Variants in RAD23B observed in about 807,000 individuals in gnomAD.
RAD23B encodes lysine-specific demethylase RAD23B.
A neutral mutation model predicts 49.1 loss-of-function variants in RAD23B; 5 were observed. The ratio of observed to expected loss-of-function variants is 0.10; its 90% CI spans 0.05 to 0.21. RAD23B has a LOEUF of 0.21. Among genes scored for constraint, RAD23B ranks in the 10% least tolerant of loss-of-function variants. The pLI, the probability that RAD23B is intolerant of heterozygous loss-of-function variation, is 1.00. For missense variants in RAD23B, 356 were observed against 486.7 expected (o/e 0.73, Z 2.53); for synonymous variants, 184 against 165.4 (o/e 1.11, Z -0.86).
rs1261264668 is a variant in RAD23B at position 107,331,886 on chromosome 9, T to C, written c.*2230T>C. 4 of 497,974 alleles carry C rather than the reference T, an allele frequency of 8.0e-6. No homozygotes were observed. The highest frequency in any genetic ancestry group is 1.4e-5 in the Non-Finnish European group (4 of 279,216). 30.8% of individuals were successfully genotyped at this position (497,974 alleles called of 1,614,324 possible). On this transcript the variant is annotated 3_prime_UTR_variant, in exon 10 of 10. Coordinates refer to ENST00000358015, the MANE Select transcript of RAD23B (RefSeq NM_002874.5). ...GAGACACCATAAAAGAAATAGGCTT[T>C]TTGTGCCTTTTGCTGTTAATGTTTA...
At chr9:107,291,433 T>C (rs1833382871) in intron 1 of RAD23B, among the ~76,000 whole-genome samples, 1 of 152,226 alleles carries the variant, frequency 6.6e-6, no homozygotes, top group South Asian at 2.1e-4. Context: ...TTTAAAATAA[T>C]AGCCTTTTGG....
chr9:107,329,510 G>C (rs757716733), intron 9 of RAD23B, 33 bp from the exon 10 acceptor site: 1 of 1,335,036 alleles, frequency 7.5e-7, no homozygotes, highest in Non-Finnish European at 1.1e-6. Context: ...TAATTGGTGT[G>C]TTGGATTTAT....
At position 107,306,522 on chromosome 9, in the gene RAD23B, A is replaced by G; in HGVS notation, c.372A>G (p.Ala124=). 1 of 1,614,042 alleles carries G rather than the reference A, an allele frequency of 6.2e-7. No individual in the cohort carries two copies. Residue 124 remains alanine, a synonymous_variant, in exon 4 of 10, where the codon GCA becomes GCG. Transcript: ENST00000358015. ...CCTTGGCCCCCACTTCCACACCTGC[A>G]TCCATCACTCCAGCATCAGCGACAG... ...VPALAPTSTP[A]SITPASATAS...
chr9:107,327,136 T>C (rs922755738), intron 9 of RAD23B, among the ~76,000 whole-genome samples: 1 of 152,240 alleles, frequency 6.6e-6, no homozygotes, highest in Non-Finnish European at 1.5e-5. Flanking sequence ...TATTTTTGTT[T>C]TTTCCCTTCA....
chr9:107,295,295 T>C (rs1826484886), intron 1 of RAD23B, among the ~76,000 whole-genome samples: 1 of 152,026 alleles, frequency 6.6e-6, no homozygotes, highest in Non-Finnish European at 1.5e-5. Flanking sequence ...GTTTTTAAAA[T>C]GATGAAGTAT....
chr9:107,289,542 G>A (rs1833343367), intron 1 of RAD23B, among the ~76,000 whole-genome samples: 1 of 152,124 alleles, frequency 6.6e-6, no homozygotes, highest in South Asian at 2.1e-4. Flanking sequence ...GGGTGGGCAA[G>A]AGTGAAAAGC....
intron 1 of RAD23B, among the ~76,000 whole-genome samples, chr9:107,295,386 A>G (rs1442567312): frequency 6.6e-6 from 1 of 152,206 alleles, no homozygotes; most frequent in Non-Finnish European, 1.5e-5. Context: ...TAATGAATTT[A>G]GTAAGATACT....
intron 1 of RAD23B, among the ~76,000 whole-genome samples, chr9:107,288,424 C>T (rs1833318725): frequency 6.6e-6 from 1 of 152,062 alleles, no homozygotes; most frequent in Non-Finnish European, 1.5e-5. Context: ...TAATACTTCA[C>T]TGGGTGGCTA....
intron 9 of RAD23B, among the ~76,000 whole-genome samples, chr9:107,328,312 A>T (rs778170545): frequency 6.6e-6 from 1 of 152,180 alleles, no homozygotes; most frequent in Admixed American, 6.5e-5. Flanking sequence ...CCAGTTACGT[A>T]GAAGACCTTT....
chr9:107,330,598 A>T lies in RAD23B; in HGVS notation c.*942A>T, dbSNP rs1395625013. ...GTCGTGAGTCAAACTGCTGCCTTTT[A>T]AAAAACCCACAAAATGCTGATTCAG... On this transcript the variant is annotated 3_prime_UTR_variant, in exon 10 of 10. Transcript: ENST00000358015. This position sits in a 1 kb window ranked among gnomAD's most constrained non-coding sequence, Gnocchi z 4.4. 1 of 152,630 alleles carries T rather than the reference A, an allele frequency of 6.6e-6. No homozygotes were observed. Among genetic ancestry groups the T allele is most frequent in the Non-Finnish European group, 1.5e-5 (1 of 68,030 alleles). 9.5% of individuals were successfully genotyped at this position (152,630 alleles called of 1,614,324 possible).
At position 107,300,946 on chromosome 9, in the gene RAD23B, C is replaced by T. The variant is rs556995983; in HGVS notation, c.148+724C>T. 7.7e-4 allele frequency among the ~76,000 whole-genome samples: 117 copies of T among 152,250 alleles called. 1 individual carries two copies. The highest frequency in any genetic ancestry group is 1.5e-4 in the Non-Finnish European group (10 of 68,000). On this transcript the variant is annotated intron_variant, in intron 2 of 9. Transcript: ENST00000358015. The stretch of plus-strand genomic sequence containing the variant: ...ATTCAGTCCCATTATTTTTATAGGT[C>T]AGAATTCAGAAGCCTAAAGAAGCGG...
rs1228245486 is a variant in RAD23B at position 107,331,403 on chromosome 9, T to C, written c.*1747T>C. 10 of 343,134 alleles carry C rather than the reference T, an allele frequency of 2.9e-5. No homozygotes were observed. The East Asian group carries it at 5.0e-4, about 17-fold the overall frequency. The allele number at this position is 343,134 out of a possible 1,614,324, so 21.3% of individuals were successfully genotyped here. On this transcript the variant is annotated 3_prime_UTR_variant, in exon 10 of 10. Transcript: ENST00000358015. ...CTGTGGTCCCAGCTACTTGGGAGGC[T>C]GAGGCATGAGAATTGCTTGAACCCG... is the stretch of plus-strand genomic sequence containing the variant.
At chr9:107,292,695 A>G (rs76644537) in intron 1 of RAD23B, among the ~76,000 whole-genome samples, 1 of 150,872 alleles carries the variant, frequency 6.6e-6, no homozygotes, top group Non-Finnish European at 1.5e-5. Flanking sequence ...AAAAAAAAAA[A>G]AAAGCCTGGT....
chr9:107,303,375 A>G (rs116476209), intron 3 of RAD23B, among the ~76,000 whole-genome samples: 2,252 of 152,304 alleles, frequency 0.015, 61 homozygotes, highest in African/African-American at 0.051. Context: ...AAGCAGCTAA[A>G]TAGTTTACAA....
At chr9:107,308,093 ATTCTC>A (rs901610217) in intron 4 of RAD23B, among the ~76,000 whole-genome samples, 1 of 151,438 alleles carries the variant, frequency 6.6e-6, no homozygotes, top group Non-Finnish European at 1.5e-5. Context: ...AATACATCTT[ATTCTC>A]TTAATTGCTT....
chr9:107,305,685 A>G (rs1826748505), intron 3 of RAD23B, among the ~76,000 whole-genome samples: 1 of 152,204 alleles, frequency 6.6e-6, no homozygotes, highest in East Asian at 1.9e-4. Context: ...GTCTGAAAGT[A>G]TTGTGAACCT....
rs939897708 is a variant in RAD23B at position 107,330,380 on chromosome 9, G to C, written c.*724G>C. On this transcript the variant is annotated 3_prime_UTR_variant, in exon 10 of 10. Coordinates refer to ENST00000358015, the MANE Select transcript of RAD23B (RefSeq NM_002874.5). The surrounding 1 kb of genome is among the most constrained non-coding windows in gnomAD (Gnocchi z 4.4). ...GTTTACATTTTTTTTTTGTTTTGGGGAAAAAATTGGTAGGTGTCTAATTAC... is the reference window on the plus strand; with the variant it reads ...GTTTACATTTTTTTTTTGTTTTGGGCAAAAAATTGGTAGGTGTCTAATTAC... The C allele has an allele frequency of 1.3e-5, 2 of 152,172 alleles. No individual in the cohort carries two copies. The highest frequency in any genetic ancestry group is 4.8e-5 in the African/African-American group (2 of 41,352). 9.4% of individuals were successfully genotyped at this position (152,172 alleles called of 1,614,324 possible). A position where few individuals can be genotyped will look rare whatever the true frequency, so the allele number is the denominator to read the frequency against.
intron 4 of RAD23B, among the ~76,000 whole-genome samples, chr9:107,310,713 AGT>A (rs1826873056): frequency 6.6e-6 from 1 of 152,182 alleles, no homozygotes; most frequent in Non-Finnish European, 1.5e-5. Flanking sequence ...TATTAATCAT[AGT>A]ATTCTTATTG....
At chr9:107,328,463 G>T (rs896672585) in intron 9 of RAD23B, among the ~76,000 whole-genome samples, 3 of 152,142 alleles carry the variant, frequency 2.0e-5, no homozygotes, top group Non-Finnish European at 2.9e-5. Flanking sequence ...ACATCATCAG[G>T]CATTTGTTAG....
Sources: gnomAD v4.1 joint callset for allele counts (sites outside exome capture counted in the v4.1 genomes callset) on GRCh38, gnomAD v4.1.1 for gene constraint, Gnocchi (gnomAD v3.1) non-coding constraint, MANE v1.5 for transcripts, NCBI Gene and HGNC (gene_info 2026-07-23, HGNC 2026-07-21) for gene names.